IP6K3: variants seen among roughly 807,000 people sequenced by gnomAD.
IP6K3 encodes ATP:1D-myo-inositol-hexakisphosphate phosphotransferase.
IP6K3 carries 20 observed loss-of-function variants against 28.8 expected under a neutral mutation model. The observed-to-expected ratio is 0.70, with a 90% CI of 0.49 to 1.01. The LOEUF is 1.01. Ranked by LOEUF, IP6K3 falls within the 50% of genes least tolerant of loss-of-function variation. The probability of loss-of-function intolerance (pLI) is 0.00; values close to 1 mark genes in which losing one functional copy is unlikely to be tolerated. For missense variants in IP6K3, 480 were observed against 537.1 expected, an observed-to-expected ratio of 0.89 and a Z score of 1.05; for synonymous variants, 213 against 221.3, an observed-to-expected ratio of 0.96 and a Z score of 0.33.
Position 33,726,859 on chromosome 6 carries a change from G to A in IP6K3, c.461C>T (p.Ala154Val), listed in dbSNP as rs1766135917. 6.2e-7 allele frequency: 1 copy of A among 1,613,006 alleles called. No homozygotes were observed. The highest frequency in any genetic ancestry group is 1.7e-5 in the Admixed American group (1 of 59,964). ...LRSEPHLNTP[A>V]FSLVEDTNGN... ...GTTGGTGTCTTCCACCAGCGAGAAGGCTGGAGTGTTGAGGTGGGGCTCGGA... is the reference window on the plus strand; with the variant it reads ...GTTGGTGTCTTCCACCAGCGAGAAGACTGGAGTGTTGAGGTGGGGCTCGGA... The change falls in exon 4 of 6, where the codon GCC becomes GTC. Residue 154 changes from alanine to valine, a missense_variant. By Grantham distance (64) the Ala-to-Val change is moderately conservative. Coordinates refer to ENST00000293756, the MANE Select transcript of IP6K3 (RefSeq NM_054111.5).
chr6:33,759,888 G>A, the IP6K3 span, among the ~76,000 whole-genome samples: 4 of 151,874 alleles, frequency 2.6e-5, no homozygotes, highest in African/African-American at 9.7e-5. Context: ...AAAAAAAGGA[G>A]GGGAAAGGAA....
chr6:33,732,895 C>T (rs972358918), intron 2 of IP6K3, among the ~76,000 whole-genome samples: 6 of 152,244 alleles, frequency 3.9e-5, no homozygotes, highest in African/African-American at 1.4e-4. Context: ...GTCCTCCTTC[C>T]CCTACCCCAG....
At chr6:33,739,700 G>C (rs956599084) in intron 1 of IP6K3, among the ~76,000 whole-genome samples, 3 of 152,234 alleles carry the variant, frequency 2.0e-5, no homozygotes, top group Admixed American at 1.3e-4. Flanking sequence ...TCTCAGCCCA[G>C]ACCTTCCTTT....
intron 2 of IP6K3, among the ~76,000 whole-genome samples, chr6:33,730,526 C>T (rs775564712): frequency 6.6e-6 from 1 of 152,212 alleles, no homozygotes; most frequent in African/African-American, 2.4e-5. Context: ...CTGCCACTAG[C>T]GTCCACCCCT....
rs1766904160 is a variant in IP6K3, at chr6:33,746,275, C to A, written c.-180+483G>T. On this transcript the variant is annotated intron_variant, in intron 1 of 5. Coordinates refer to ENST00000293756, the MANE Select transcript of IP6K3 (RefSeq NM_054111.5). The surrounding 1 kb of genome is among the most constrained non-coding windows in gnomAD (Gnocchi z 6.5). ...ATCCAGCCTGGTGCCGGCCTCCTGC[C>A]CCCTCCCGTGGAAAGCTGGGGCTGC... 6.6e-6 allele frequency among the ~76,000 whole-genome samples: 1 copy of A among 152,174 alleles called. No homozygotes were observed. The highest frequency in any genetic ancestry group is 1.5e-5 in the Non-Finnish European group (1 of 68,012).
the IP6K3 span, among the ~76,000 whole-genome samples, chr6:33,756,583 G>A: frequency 1.3e-5 from 2 of 152,180 alleles, no homozygotes; most frequent in Non-Finnish European, 2.9e-5. Flanking sequence ...AGTGCAAAAT[G>A]AAATCTTGGG....
chr6:33,754,391 C>T, the IP6K3 span, among the ~76,000 whole-genome samples: 50 of 152,188 alleles, frequency 3.3e-4, no homozygotes, highest in Middle Eastern at 3.4e-3. Flanking sequence ...GGGGCGGCCA[C>T]GCGTGTTATT....
At chr6:33,725,893 G>A (rs961112254) in intron 4 of IP6K3, among the ~76,000 whole-genome samples, 9 of 152,090 alleles carry the variant, frequency 5.9e-5, no homozygotes, top group African/African-American at 1.7e-4. Context: ...AAATTTAAAC[G>A]CAAGTGTGAA....
upstream of IP6K3, among the ~76,000 whole-genome samples, chr6:33,750,289 T>TC (rs199873129): frequency 0.015 from 2,251 of 152,336 alleles, 48 homozygotes; most frequent in African/African-American, 0.05. This position sits in a 1 kb window ranked among gnomAD's most constrained non-coding sequence, Gnocchi z 4.3. Context: ...TAGAAACAAT[T>TC]CAAGTCACGT....
At chr6:33,738,711 T>G (rs1285365606) in intron 1 of IP6K3, among the ~76,000 whole-genome samples, 1 of 152,194 alleles carries the variant, frequency 6.6e-6, no homozygotes, top group African/African-American at 2.4e-5. Context: ...CCGGCCACAC[T>G]GCAGGGGGCT....
chr6:33,747,382 G>T (rs60447213), upstream of IP6K3, among the ~76,000 whole-genome samples: 16,446 of 152,138 alleles, frequency 0.11, 1,157 homozygotes, highest in African/African-American at 0.19. This position sits in a 1 kb window ranked among gnomAD's most constrained non-coding sequence, Gnocchi z 5.2. Context: ...GGACAATCAG[G>T]CCATCAACAA....
intron 5 of IP6K3, 74 bp downstream of exon 5, chr6:33,725,367 G>T (rs1405748240): frequency 3.0e-5 from 43 of 1,444,600 alleles, no homozygotes; most frequent in Non-Finnish European, 3.9e-5. Flanking sequence ...AGTGGCATCT[G>T]GATGGGAGAT....
intron 2 of IP6K3, among the ~76,000 whole-genome samples, chr6:33,731,301 G>A (rs1582209082): frequency 1.3e-5 from 2 of 152,134 alleles, no homozygotes; most frequent in South Asian, 4.1e-4. Context: ...CACACGTGAG[G>A]CTATGGTGAC....
At chr6:33,737,510 G>T (rs200174588) in intron 1 of IP6K3, among the ~76,000 whole-genome samples, 5 of 152,200 alleles carry the variant, frequency 3.3e-5, no homozygotes, top group East Asian at 1.9e-4. Flanking sequence ...CAGCCAGCTG[G>T]ATTCATGCAC....
chr6:33,728,014 T>C, intron 3 of IP6K3, 73 bp downstream of exon 3: 4 of 1,557,648 alleles, frequency 2.6e-6, no homozygotes, highest in Non-Finnish European at 3.5e-6. Flanking sequence ...GTGGTTGGCC[T>C]TGGGCACAGG....
chr6:33,750,175 G>A (rs1767002738), upstream of IP6K3, among the ~76,000 whole-genome samples: 2 of 152,098 alleles, frequency 1.3e-5, no homozygotes, highest in African/African-American at 4.8e-5. This position sits in a 1 kb window ranked among gnomAD's most constrained non-coding sequence, Gnocchi z 4.3. Flanking sequence ...TATGGCCCTG[G>A]CCTGGCCCAC....
upstream of IP6K3, among the ~76,000 whole-genome samples, chr6:33,751,871 G>T (rs970908418): frequency 2.0e-5 from 3 of 152,216 alleles, no homozygotes; most frequent in Non-Finnish European, 2.9e-5. This position sits in a 1 kb window ranked among gnomAD's most constrained non-coding sequence, Gnocchi z 4.3. Context: ...CCATGTTTGG[G>T]CCTGGAGAAG....
At chr6:33,750,230 A>G (rs1015840368), upstream of IP6K3, among the ~76,000 whole-genome samples, 1 of 152,152 alleles carries the variant, frequency 6.6e-6, no homozygotes, top group African/African-American at 2.4e-5. This position sits in a 1 kb window ranked among gnomAD's most constrained non-coding sequence, Gnocchi z 4.3. Flanking sequence ...GTTCTCCCAC[A>G]TCTCTTTACA....
rs375762710 is a variant in IP6K3, at chr6:33,722,859, A to T, written c.1094T>A (p.Ile365Asn). ...SSPGGLTKVD[I>N]RMIDFAHTTY... ...GGTATGAGCAAAGTCAATCATGCGG[A>T]TGTCAACCTTGGTGAGACCACCGGG... The change falls in exon 6 of 6, where the codon ATC becomes AAC. Residue 365 changes from isoleucine to asparagine, a missense_variant. Transcript: ENST00000293756. 3.7e-5 allele frequency: 59 copies of T among 1,613,508 alleles called. No homozygotes were observed. The highest frequency in any genetic ancestry group is 4.6e-5 in the Non-Finnish European group (54 of 1,179,750).
Sources: allele counts gnomAD v4.1 joint callset (sites outside exome capture counted in the v4.1 genomes callset), GRCh38; gene constraint gnomAD v4.1.1; non-coding constraint Gnocchi (gnomAD v3.1); transcripts MANE v1.5; gene names NCBI Gene and HGNC (gene_info 2026-07-23, HGNC 2026-07-21).